AKAP19: variants seen among roughly 807,000 people sequenced by gnomAD.
AKAP19 encodes the protein A-kinase anchoring protein 19.
the AKAP19 span, among the ~76,000 whole-genome samples, chr2:190,033,383 G>A: frequency 6.6e-6 from 1 of 152,022 alleles, no homozygotes; most frequent in Non-Finnish European, 1.5e-5. Context: ...AATCTTAAAC[G>A]TGTCTGCGTA....
chr2:190,033,042 G>A, the AKAP19 span, among the ~76,000 whole-genome samples: 2 of 152,030 alleles, frequency 1.3e-5, no homozygotes, highest in Non-Finnish European at 2.9e-5. Context: ...GAAAGAAAAG[G>A]ATTGATTCTC....
the AKAP19 span, among the ~76,000 whole-genome samples, chr2:189,882,445 A>G: frequency 6.6e-6 from 1 of 152,164 alleles, no homozygotes; most frequent in Non-Finnish European, 1.5e-5. Context: ...ACATCAATCA[A>G]TATGCGTAAG....
chr2:190,014,730 G>A, the AKAP19 span, among the ~76,000 whole-genome samples: 6 of 151,674 alleles, frequency 4.0e-5, no homozygotes, highest in Non-Finnish European at 8.8e-5. Context: ...TCCACTTTTC[G>A]AGCTCAAGTG....
the AKAP19 span, among the ~76,000 whole-genome samples, chr2:189,964,311 T>A: frequency 6.6e-6 from 1 of 152,208 alleles, no homozygotes; most frequent in Non-Finnish European, 1.5e-5. Context: ...AGATGTACTG[T>A]TATCAAGGCT....
the AKAP19 span, among the ~76,000 whole-genome samples, chr2:190,162,335 C>T: frequency 3.6e-3 from 547 of 152,164 alleles, 5 homozygotes; most frequent in Middle Eastern, 0.014. Context: ...CCCAGCCACT[C>T]TAGGTAATAG....
chr2:190,162,816 T>C, the AKAP19 span, among the ~76,000 whole-genome samples: 2 of 152,198 alleles, frequency 1.3e-5, no homozygotes, highest in Non-Finnish European at 2.9e-5. Context: ...TTAGGAGATA[T>C]TTTAATGAGA....
the AKAP19 span, among the ~76,000 whole-genome samples, chr2:189,975,738 T>G: frequency 4.6e-5 from 7 of 152,216 alleles, no homozygotes; most frequent in African/African-American, 1.7e-4. Flanking sequence ...TCATTTGATC[T>G]TCAGTCACTG....
chr2:189,888,900 G>T, the AKAP19 span, among the ~76,000 whole-genome samples: 1 of 152,172 alleles, frequency 6.6e-6, no homozygotes, highest in Non-Finnish European at 1.5e-5. Flanking sequence ...GGGACAATTT[G>T]ACTTCCTGTC....
the AKAP19 span, among the ~76,000 whole-genome samples, chr2:190,013,154 T>A: frequency 6.6e-6 from 1 of 152,232 alleles, no homozygotes; most frequent in Non-Finnish European, 1.5e-5. Context: ...TCCATCTTCT[T>A]CAATTTTTTG....
At chr2:190,070,624 C>CCT in the AKAP19 span, among the ~76,000 whole-genome samples, 13 of 137,116 alleles carry the variant, frequency 9.5e-5, no homozygotes, top group East Asian at 2.5e-3. Context: ...TCCCCCCCCC[C>CCT]TTTTTTTTTG....
the AKAP19 span, among the ~76,000 whole-genome samples, chr2:190,007,910 C>T: frequency 7.2e-5 from 11 of 152,052 alleles, no homozygotes; most frequent in African/African-American, 1.7e-4. Context: ...TGCAGTGAGC[C>T]GAGATCATGC....
the AKAP19 span, among the ~76,000 whole-genome samples, chr2:190,194,971 C>T: frequency 1.2e-4 from 19 of 152,196 alleles, no homozygotes; most frequent in South Asian, 2.9e-3. Flanking sequence ...CAAGTGACCT[C>T]GGCTTCCTGA....
At chr2:190,092,212 A>G in the AKAP19 span, among the ~76,000 whole-genome samples, 1 of 152,160 alleles carries the variant, frequency 6.6e-6, no homozygotes, top group South Asian at 2.1e-4. Context: ...CTGGATGCTA[A>G]TTTGTCATGT....
At chr2:190,157,882 T>C in the AKAP19 span, among the ~76,000 whole-genome samples, 1 of 152,188 alleles carries the variant, frequency 6.6e-6, no homozygotes, top group Non-Finnish European at 1.5e-5. Flanking sequence ...CTCATATTGT[T>C]TTATACTCAG....
chr2:190,138,158 A>G, the AKAP19 span, among the ~76,000 whole-genome samples: 40,814 of 152,126 alleles, frequency 0.27, 5,685 homozygotes, highest in Admixed American at 0.37. Context: ...ATCTTCTGAA[A>G]AATTCATTCC....
chr2:190,160,338 AT>A, the AKAP19 span, among the ~76,000 whole-genome samples: 72,404 of 151,536 alleles, frequency 0.48, 18,998 homozygotes, highest in East Asian at 0.83. Context: ...TTAGAATAAG[AT>A]TTTTTTTTTA....
the AKAP19 span, among the ~76,000 whole-genome samples, chr2:190,138,182 G>T: frequency 2.0e-4 from 30 of 152,136 alleles, no homozygotes; most frequent in Non-Finnish European, 2.8e-4. Context: ...CCTTCTTTGT[G>T]TAGTTACTAC....
chr2:190,120,361 C>G, the AKAP19 span, among the ~76,000 whole-genome samples: 1 of 150,926 alleles, frequency 6.6e-6, no homozygotes, highest in Non-Finnish European at 1.5e-5. Context: ...GCCAAAAAAG[C>G]TGGGGGGGGC....
chr2:189,901,297 A>G, the AKAP19 span, among the ~76,000 whole-genome samples: 1 of 152,034 alleles, frequency 6.6e-6, no homozygotes, highest in Non-Finnish European at 1.5e-5. Flanking sequence ...AATAATCACA[A>G]TTTAAAATTA....
Sources: gnomAD v4.1 joint callset for allele counts (sites outside exome capture counted in the v4.1 genomes callset) on GRCh38, gnomAD v4.1.1 for gene constraint, MANE v1.5 for transcripts, NCBI Gene and HGNC (gene_info 2026-07-23, HGNC 2026-07-21) for gene names.